Variants in LPP observed in about 807,000 individuals in gnomAD.
LPP encodes the protein lipoma-preferred partner.
A neutral mutation model predicts 60.4 loss-of-function variants in LPP; 38 were observed. That is an observed-to-expected ratio of 0.63 (90% CI 0.49 to 0.83). LPP has a LOEUF of 0.83. Among genes scored for constraint, LPP ranks in the 40% least tolerant of loss-of-function variants. LPP has a pLI of 0.00. For missense variants in LPP, 902 were observed against 783.6 expected (o/e 1.15, Z -1.80); for synonymous variants, 328 against 290.8 (o/e 1.13, Z -1.30).
chr3:188,608,612 C>T lies in LPP; in HGVS notation c.430-549C>T, dbSNP rs115237068. On this transcript the variant is annotated intron_variant, in intron 6 of 11. Coordinates refer to ENST00000617246, the MANE Select transcript of LPP (RefSeq NM_001375462.1). ...TTGAAATTAGGAATTGTAATGCCTCCGGCTTTGTTCTTGGCTTCAAGATTG... is the reference window on the plus strand; with the variant it reads ...TTGAAATTAGGAATTGTAATGCCTCTGGCTTTGTTCTTGGCTTCAAGATTG... 3.4e-3 allele frequency among the ~76,000 whole-genome samples: 512 copies of T among 152,254 alleles called. 1 individual carries two copies. Among genetic ancestry groups the T allele is most frequent in the African/African-American group, 0.011 (447 of 41,554 alleles).
At chr3:188,605,048 A>G (rs1198119651) in intron 6 of LPP, among the ~76,000 whole-genome samples, 2 of 152,134 alleles carry the variant, frequency 1.3e-5, no homozygotes, top group African/African-American at 4.8e-5. Flanking sequence ...TGTATCTCAA[A>G]GAGAGGTAGA....
chr3:188,553,522 T>C (rs749287409), intron 6 of LPP, among the ~76,000 whole-genome samples: 2 of 152,116 alleles, frequency 1.3e-5, no homozygotes, highest in Non-Finnish European at 2.9e-5. Context: ...CAACACTAGC[T>C]TTTCTTTGAG....
intron 6 of LPP, among the ~76,000 whole-genome samples, chr3:188,536,001 A>G (rs1038775343): frequency 2.4e-4 from 23 of 97,364 alleles, no homozygotes; most frequent in Admixed American, 1.2e-3. Flanking sequence ...TTATTACATG[A>G]ATTTTTTTTT....
At chr3:188,753,278 A>G (rs1041974464) in intron 8 of LPP, among the ~76,000 whole-genome samples, 6 of 152,230 alleles carry the variant, frequency 3.9e-5, no homozygotes, top group African/African-American at 1.4e-4. Context: ...AAAATGCACA[A>G]TAATTTTCTA....
chr3:188,588,651 A>G (rs1018488380), intron 6 of LPP, among the ~76,000 whole-genome samples: 1 of 152,234 alleles, frequency 6.6e-6, no homozygotes, highest in Admixed American at 6.5e-5. Flanking sequence ...CTTATATGTA[A>G]AGCATTTAAA....
intron 4 of LPP, among the ~76,000 whole-genome samples, chr3:188,478,950 C>T (rs1895887): frequency 0.23 from 34,850 of 151,826 alleles, 4,090 homozygotes; most frequent in African/African-American, 0.27. Flanking sequence ...GACTGGGTTT[C>T]ACTCTGTTGC....
chr3:188,751,578 G>A (rs1262963340), intron 8 of LPP, among the ~76,000 whole-genome samples: 1 of 152,180 alleles, frequency 6.6e-6, no homozygotes, highest in African/African-American at 2.4e-5. Flanking sequence ...ATAATTTTAG[G>A]AATTGTGGAC....
At chr3:188,779,492 G>A (rs1738938963) in intron 9 of LPP, among the ~76,000 whole-genome samples, 1 of 152,086 alleles carries the variant, frequency 6.6e-6, no homozygotes, top group African/African-American at 2.4e-5. Flanking sequence ...TTGGAATATG[G>A]AGGTCTGCTT....
In LPP at chr3:188,524,690, AG is replaced by A; in HGVS notation, c.334del (p.Glu112ArgfsTer13). The A allele has an allele frequency of 6.2e-7, 1 of 1,614,012 alleles. No individual in the cohort carries two copies. Among genetic ancestry groups the A allele is most frequent in the Non-Finnish European group, 8.5e-7 (1 of 1,179,944 alleles). On this transcript the variant is annotated frameshift_variant, in exon 6 of 12. Coordinates refer to ENST00000617246, the MANE Select transcript of LPP (RefSeq NM_001375462.1). LOFTEE classifies it high-confidence loss of function. ...VQGNPGGKTLEERRSSLDAEI... is the reference protein window; with the variant it reads ...VQGNPGGKTLXERRSSLDAEI... ...GGGAATCCCGGAGGCAAGACACTTGAGGAGAGGCGCTCCAGCCTGGACGCTG... is the reference window on the plus strand; with the variant it reads ...GGGAATCCCGGAGGCAAGACACTTGAGAGAGGCGCTCCAGCCTGGACGCTG...
At chr3:188,608,631 A>C (rs1842974730) in intron 6 of LPP, among the ~76,000 whole-genome samples, 1 of 152,202 alleles carries the variant, frequency 6.6e-6, no homozygotes, top group Non-Finnish European at 1.5e-5. Flanking sequence ...TCTTGGCTTC[A>C]AGATTGATAA....
chr3:188,293,082 T>C (rs1173753512), intron 2 of LPP, among the ~76,000 whole-genome samples: 1 of 152,232 alleles, frequency 6.6e-6, no homozygotes, highest in Non-Finnish European at 1.5e-5. Flanking sequence ...CTCATACCGT[T>C]AATTTTATTT....
intron 7 of LPP, among the ~76,000 whole-genome samples, chr3:188,679,624 TG>T (rs1265522358): frequency 6.6e-6 from 1 of 152,042 alleles, no homozygotes; most frequent in Non-Finnish European, 1.5e-5. Flanking sequence ...CTGGTAAATT[TG>T]CCTGTGCTCA....
At position 188,479,428 on chromosome 3, in the gene LPP, G is replaced by A. The variant is rs566898031; in HGVS notation, c.194-5164G>A. On this transcript the variant is annotated intron_variant, in intron 4 of 11. Coordinates refer to ENST00000617246, the MANE Select transcript of LPP (RefSeq NM_001375462.1). ...AGTGTGGACCTGAATCAGAGTCTGC[G>A]TTTGATCTAGGTTCCCCGATGATTG... is the stretch of plus-strand genomic sequence containing the variant. 2.6e-4 allele frequency among the ~76,000 whole-genome samples: 40 copies of A among 152,306 alleles called. No homozygotes were observed. In the South Asian group the frequency reaches 8.1e-3, roughly 31 times the overall value.
At chr3:188,256,904 G>T (rs1437681367) in intron 2 of LPP, among the ~76,000 whole-genome samples, 4 of 152,186 alleles carry the variant, frequency 2.6e-5, no homozygotes, top group Non-Finnish European at 5.9e-5. Context: ...ACTGGAATAG[G>T]CCTCTCACAT....
chr3:188,505,019 T>A (rs1813044835), intron 5 of LPP, among the ~76,000 whole-genome samples: 1 of 152,206 alleles, frequency 6.6e-6, no homozygotes. Flanking sequence ...TGTGCACAGA[T>A]GCCTGCCAAG....
At chr3:188,306,599 C>T (rs539774921) in intron 2 of LPP, among the ~76,000 whole-genome samples, 6 of 152,008 alleles carry the variant, frequency 3.9e-5, no homozygotes, top group Non-Finnish European at 5.9e-5. Context: ...TCCTCTTTAC[C>T]GTAAGGAAAG....
rs555106525 is a variant in LPP at position 188,701,379 on chromosome 3, GAAA to G, written c.1114-6878_1114-6876del. On this transcript the variant is annotated intron_variant, in intron 7 of 11. Transcript: ENST00000617246. ...AACCAGTTTTAGATAATTTTCAGCT[GAAA>G]AAAAAAAAATCTTTATTTTAAGAAG... Among the ~76,000 whole-genome samples the G allele has an allele frequency of 9.9e-5, 14 of 141,374 alleles. 1 individual carries two copies. The highest frequency in any genetic ancestry group is 4.1e-4 in the East Asian group (2 of 4,912). The allele number at this position is 141,374 out of a possible 152,430, so 92.7% of individuals were successfully genotyped here.
intron 8 of LPP, among the ~76,000 whole-genome samples, chr3:188,739,729 G>C (rs1723757005): frequency 6.6e-6 from 1 of 151,968 alleles, no homozygotes; most frequent in African/African-American, 2.4e-5. Context: ...TGTTATCTGT[G>C]AGCTGGCTAC....
chr3:188,271,725 A>G (rs1361727459), intron 2 of LPP, among the ~76,000 whole-genome samples: 1 of 152,194 alleles, frequency 6.6e-6, no homozygotes, highest in African/African-American at 2.4e-5. Context: ...GGTTCAAACC[A>G]AAGTTGTCCT....
Sources: allele counts gnomAD v4.1 joint callset (sites outside exome capture counted in the v4.1 genomes callset), GRCh38; gene constraint gnomAD v4.1.1; transcripts MANE v1.5; gene names NCBI Gene and HGNC (gene_info 2026-07-23, HGNC 2026-07-21).